The following VAT1L variants were observed in gnomAD, a reference collection of about 807,000 sequenced individuals.
VAT1L encodes the protein vesicle amine transport 1 like, also known as putative NADPH-dependent quinone oxidoreductase VAT1L.
Under a neutral mutation model 44.1 loss-of-function variants are expected in VAT1L, and 34 were observed. That is an observed-to-expected ratio of 0.77 (90% CI 0.59 to 1.03). The LOEUF (loss-of-function observed/expected upper bound fraction) is 1.03, where lower values mean the gene tolerates loss of function less well. Among genes scored for constraint, VAT1L ranks in the 50% least tolerant of loss-of-function variants. The pLI, the probability that VAT1L is intolerant of heterozygous loss-of-function variation, is 0.00. For synonymous variants in VAT1L, 253 were observed against 202.2 expected, an observed-to-expected ratio of 1.25 and a Z score of -2.13; for missense variants, 615 against 538.8, an observed-to-expected ratio of 1.14 and a Z score of -1.40.
intron 1 of VAT1L, among the ~76,000 whole-genome samples, chr16:77,799,531 G>C (rs1056940515): frequency 3.3e-5 from 5 of 150,850 alleles, no homozygotes; most frequent in African/African-American, 1.2e-4. Context: ...GTGTGTGTGT[G>C]TGTGTGTGTG....
intron 7 of VAT1L, among the ~76,000 whole-genome samples, chr16:77,927,653 G>T (rs545891814): frequency 3.3e-5 from 5 of 151,902 alleles, no homozygotes; most frequent in Non-Finnish European, 7.4e-5. Flanking sequence ...TGAGGTGGGC[G>T]GATCATGAGG....
At chr16:77,945,638 A>G (rs908416695) in intron 7 of VAT1L, among the ~76,000 whole-genome samples, 3 of 152,008 alleles carry the variant, frequency 2.0e-5, no homozygotes, top group African/African-American at 7.3e-5. Context: ...AGTAGCACAT[A>G]TTCAACAGAG....
intron 7 of VAT1L, among the ~76,000 whole-genome samples, chr16:77,900,819 C>G (rs1428919893): frequency 1.3e-5 from 2 of 152,104 alleles, no homozygotes; most frequent in Non-Finnish European, 1.5e-5. Flanking sequence ...TACATCTTTT[C>G]CCTCTCTGAC....
rs1022338274 is a variant in VAT1L at position 77,838,714 on chromosome 16, C to CT, written c.579+13261dup. Among the ~76,000 whole-genome samples the CT allele has an allele frequency of 3.3e-5, 5 of 151,524 alleles. No homozygotes were observed. The East Asian group carries it at 5.8e-4, about 18-fold the overall frequency. Reference sequence around the variant, plus strand: ...TTCTGTCCATTTCCATCTCTCTTTCCTTTTTTTTCACTCTTTTTCTGTCTC... The same window carrying CT: ...TTCTGTCCATTTCCATCTCTCTTTCCTTTTTTTTTCACTCTTTTTCTGTCTC... On this transcript the variant is annotated intron_variant, in intron 3 of 8. Transcript: ENST00000302536.
At chr16:77,942,396 T>C (rs1285692139) in intron 7 of VAT1L, among the ~76,000 whole-genome samples, 2 of 152,122 alleles carry the variant, frequency 1.3e-5, no homozygotes, top group African/African-American at 2.4e-5. Context: ...AAGATGAGAT[T>C]TGGGTGGGGA....
At chr16:77,830,617 C>G (rs112331995) in intron 3 of VAT1L, among the ~76,000 whole-genome samples, 41 of 152,312 alleles carry the variant, frequency 2.7e-4, no homozygotes, top group African/African-American at 9.6e-4. Context: ...TGACTTTGGT[C>G]CTCCTTTGCC....
chr16:77,928,560 A>G (rs1171652502), intron 7 of VAT1L, among the ~76,000 whole-genome samples: 1 of 152,150 alleles, frequency 6.6e-6, no homozygotes, highest in African/African-American at 2.4e-5. Flanking sequence ...TGTGACAACC[A>G]ACATTTCCTC....
intron 3 of VAT1L, among the ~76,000 whole-genome samples, chr16:77,855,377 G>C (rs2016847864): frequency 6.7e-6 from 1 of 150,236 alleles, no homozygotes; most frequent in Admixed American, 6.6e-5. Context: ...AAGGCACAGA[G>C]ACATGAGCTT....
chr16:77,821,003 A>G (rs1024094597), intron 2 of VAT1L, among the ~76,000 whole-genome samples: 4 of 152,114 alleles, frequency 2.6e-5, no homozygotes, highest in African/African-American at 9.7e-5. Flanking sequence ...CTATGAGACT[A>G]CTGAAAGCTT....
At chr16:77,804,807 A>C (rs2016126862) in intron 1 of VAT1L, among the ~76,000 whole-genome samples, 1 of 152,146 alleles carries the variant, frequency 6.6e-6, no homozygotes, top group Admixed American at 6.5e-5. Context: ...CCATGTACAA[A>C]TTTAGCAAGT....
intron 7 of VAT1L, among the ~76,000 whole-genome samples, chr16:77,929,365 T>C (rs559465655): frequency 2.6e-5 from 4 of 152,322 alleles, no homozygotes; most frequent in Middle Eastern, 3.4e-3. Context: ...GAGCCCTCTG[T>C]GCATGTGTTT....
intron 7 of VAT1L, among the ~76,000 whole-genome samples, chr16:77,931,850 C>T (rs1201902539): frequency 2.0e-5 from 3 of 152,280 alleles, no homozygotes; most frequent in South Asian, 2.1e-4. Context: ...AGGGGAAAAT[C>T]ACCTAAGCAA....
At chr16:77,917,630 C>T (rs867141433) in intron 7 of VAT1L, among the ~76,000 whole-genome samples, 7 of 152,136 alleles carry the variant, frequency 4.6e-5, no homozygotes, top group African/African-American at 7.2e-5. Context: ...GATAAGAAAA[C>T]GGAGACTCGA....
In VAT1L at chr16:77,850,900, C is replaced by T. The variant is rs573045232; in HGVS notation, c.580-11848C>T. Reference sequence around the variant, plus strand: ...CCATCTGGTGGACTGGACGGCTCCACGGTTGCTGGAGTCCAACTCTCAAAC... The same window carrying T: ...CCATCTGGTGGACTGGACGGCTCCATGGTTGCTGGAGTCCAACTCTCAAAC... On this transcript the variant is annotated intron_variant, in intron 3 of 8. Coordinates refer to ENST00000302536, the MANE Select transcript of VAT1L (RefSeq NM_020927.3). Among the ~76,000 whole-genome samples, 5 of 152,278 alleles carry T rather than the reference C, an allele frequency of 3.3e-5. No homozygotes were observed. The South Asian group carries it at 6.2e-4, about 19-fold the overall frequency.
At chr16:77,811,594 C>G (rs1191751809) in intron 1 of VAT1L, among the ~76,000 whole-genome samples, 1 of 152,242 alleles carries the variant, frequency 6.6e-6, no homozygotes, top group African/African-American at 2.4e-5. Context: ...GTACTTTATT[C>G]TCGCTTGGTC....
chr16:77,934,576 A>G (rs2142505424), intron 7 of VAT1L, among the ~76,000 whole-genome samples: 1 of 152,320 alleles, frequency 6.6e-6, no homozygotes, highest in Admixed American at 6.5e-5. Context: ...GAACTATAAC[A>G]TAATAAACCC....
chr16:77,833,928 C>T lies in VAT1L; in HGVS notation c.579+8467C>T, dbSNP rs186036883. 1.8e-3 allele frequency among the ~76,000 whole-genome samples: 275 copies of T among 152,192 alleles called. 2 individuals carry two copies. Among genetic ancestry groups the T allele is most frequent in the Non-Finnish European group, 3.1e-3 (210 of 67,984 alleles). On this transcript the variant is annotated intron_variant, in intron 3 of 8. Coordinates refer to ENST00000302536, the MANE Select transcript of VAT1L (RefSeq NM_020927.3). Reference sequence around the variant, plus strand: ...GCGTTTCTTACATCACCTAACTCTCCGTCTTCCATTCACTGCTGTTTTACT... The same window carrying T: ...GCGTTTCTTACATCACCTAACTCTCTGTCTTCCATTCACTGCTGTTTTACT...
intron 1 of VAT1L, chr16:77,800,792 G>C (rs1379697369): frequency 6.6e-6 from 1 of 152,118 alleles, no homozygotes; most frequent in Non-Finnish European, 1.5e-5. Context: ...TAATAGGAAA[G>C]ATACATTAAT....
At chr16:77,860,790 G>C (rs2142441380) in intron 3 of VAT1L, among the ~76,000 whole-genome samples, 1 of 152,274 alleles carries the variant, frequency 6.6e-6, no homozygotes, top group South Asian at 2.1e-4. Context: ...GAAAACTATA[G>C]CCTGTCCAGA....
Sources: allele counts gnomAD v4.1 joint callset (sites outside exome capture counted in the v4.1 genomes callset), GRCh38; gene constraint gnomAD v4.1.1; transcripts MANE v1.5; gene names NCBI Gene and HGNC (gene_info 2026-07-23, HGNC 2026-07-21).